Variants in PDZD8 observed in about 807,000 individuals in gnomAD.
PDZD8 encodes PDZ domain-containing protein 8.
PDZD8 carries 14 observed loss-of-function variants against 85.8 expected under a neutral mutation model. The observed-to-expected ratio is 0.16, with a 90% CI of 0.11 to 0.26. PDZD8 has a LOEUF of 0.26. Among genes scored for constraint, PDZD8 ranks in the 10% least tolerant of loss-of-function variants. The pLI is 1.00. For missense variants in PDZD8, 1,197 were observed against 1,424.3 expected (o/e 0.84, Z 2.57); for synonymous variants, 592 against 568.6 (o/e 1.04, Z -0.59).
chr10:117,292,266 C>T (rs1285142378), intron 3 of PDZD8, among the ~76,000 whole-genome samples: 7 of 152,106 alleles, frequency 4.6e-5, no homozygotes, highest in South Asian at 2.1e-4. Flanking sequence ...CACAAAGCCC[C>T]GCCAAAACAC....
intron 2 of PDZD8, among the ~76,000 whole-genome samples, chr10:117,334,871 A>C (rs1844490665): frequency 6.6e-6 from 1 of 152,134 alleles, no homozygotes; most frequent in South Asian, 2.1e-4. Context: ...CAAATAAACA[A>C]GCAAACAAAC....
In PDZD8 at chr10:117,285,157, G is replaced by C; in HGVS notation, c.1576C>G (p.Pro526Ala). Reference sequence around the variant, plus strand: ...AGGGGTTTAATAGAAAGTGTTGTTGGAACACGTTTGGGACTATGACTTAAT... The same window carrying C: ...AGGGGTTTAATAGAAAGTGTTGTTGCAACACGTTTGGGACTATGACTTAAT... ...QSLSHSPKRV[P>A]TTLSIKPLGA... is the part of the protein sequence containing the mutation. The change falls in exon 5 of 5, where the codon CCA (proline) becomes GCA (alanine). Residue 526 changes from proline (P) to alanine (A), a missense_variant. Pro to Ala is a conservative substitution (Grantham distance 27). Coordinates refer to ENST00000334464, the MANE Select transcript of PDZD8 (RefSeq NM_173791.5). 6.2e-7 allele frequency: 1 copy of C among 1,614,098 alleles called. No homozygotes were observed. The highest frequency in any genetic ancestry group is 1.7e-5 in the Admixed American group (1 of 60,020).
chr10:117,375,299 C>T lies in PDZD8; in HGVS notation c.-72G>A. 1 of 1,351,026 alleles carries T rather than the reference C, an allele frequency of 7.4e-7. No individual in the cohort carries two copies. The highest frequency in any genetic ancestry group is 9.7e-7 in the Non-Finnish European group (1 of 1,031,232). The allele number at this position is 1,351,026 out of a possible 1,614,324, so 83.7% of individuals were successfully genotyped here. A position where few individuals can be genotyped will look rare whatever the true frequency, so the allele number is the denominator to read the frequency against. Reference sequence around the variant, plus strand: ...CGCTTTCTTCACGCCGCCGCCCCCGCTGCCTCCATTTTGAGGACATCGGGC... The same window carrying T: ...CGCTTTCTTCACGCCGCCGCCCCCGTTGCCTCCATTTTGAGGACATCGGGC... On this transcript the variant is annotated 5_prime_UTR_variant, in exon 1 of 5. Transcript: ENST00000334464.
At chr10:117,362,786 A>G (rs1371844137) in intron 1 of PDZD8, among the ~76,000 whole-genome samples, 2 of 152,122 alleles carry the variant, frequency 1.3e-5, no homozygotes, top group Non-Finnish European at 2.9e-5. Context: ...CAGACTGTCA[A>G]GAATTTTCTC....
chr10:117,294,824 T>C (rs968562883), intron 3 of PDZD8, among the ~76,000 whole-genome samples: 1 of 151,948 alleles, frequency 6.6e-6, no homozygotes, highest in Non-Finnish European at 1.5e-5. Flanking sequence ...CTCATAGAAA[T>C]AGACGTAGAA....
chr10:117,300,048 A>T (rs1277033077), intron 3 of PDZD8, among the ~76,000 whole-genome samples: 3 of 125,546 alleles, frequency 2.4e-5, no homozygotes, highest in Admixed American at 1.7e-4. Flanking sequence ...ATGCTAGCAC[A>T]GGTTATATGA....
At chr10:117,293,070 A>G (rs1240470042) in intron 3 of PDZD8, among the ~76,000 whole-genome samples, 1 of 152,088 alleles carries the variant, frequency 6.6e-6, no homozygotes, top group African/African-American at 2.4e-5. Context: ...TCTTAATTAA[A>G]AGCCTGGTGA....
chr10:117,304,662 G>C (rs1374285917), intron 3 of PDZD8, among the ~76,000 whole-genome samples: 9 of 152,242 alleles, frequency 5.9e-5, no homozygotes, highest in African/African-American at 2.2e-4. Context: ...TTGAATCATG[G>C]GGGCCGGTCT....
At chr10:117,293,109 C>T (rs1003226272) in intron 3 of PDZD8, among the ~76,000 whole-genome samples, 6 of 151,910 alleles carry the variant, frequency 3.9e-5, no homozygotes, top group African/African-American at 1.4e-4. Flanking sequence ...GAGTATTTCA[C>T]AAAAACATTG....
intron 2 of PDZD8, among the ~76,000 whole-genome samples, chr10:117,330,251 T>G (rs576768765): frequency 2.0e-5 from 3 of 152,050 alleles, no homozygotes; most frequent in African/African-American, 7.2e-5. Flanking sequence ...TCCTCAATTT[T>G]CACGACTTCC....
chr10:117,302,730 T>G (rs933213849), intron 3 of PDZD8, among the ~76,000 whole-genome samples: 1 of 152,174 alleles, frequency 6.6e-6, no homozygotes, highest in Non-Finnish European at 1.5e-5. Flanking sequence ...GGGGGCGTAA[T>G]TGAATCAAGA....
intron 2 of PDZD8, among the ~76,000 whole-genome samples, chr10:117,339,280 A>G (rs1019786380): frequency 1.3e-5 from 2 of 152,238 alleles, no homozygotes; most frequent in Non-Finnish European, 2.9e-5. Flanking sequence ...AATAAAAGTC[A>G]TATGTACCAA....
intron 1 of PDZD8, among the ~76,000 whole-genome samples, chr10:117,343,806 C>T (rs545627176): frequency 2.5e-4 from 38 of 152,102 alleles, no homozygotes; most frequent in Non-Finnish European, 2.8e-4. Context: ...ATATACTAAA[C>T]GGTGGGATAA....
In PDZD8 at chr10:117,374,984, C is replaced by T. The variant is rs761544755; in HGVS notation, c.244G>A (p.Ala82Thr). Residue 82 changes from alanine to threonine, a missense_variant, in exon 1 of 5, where the codon GCG becomes ACG. Ala to Thr is a moderately conservative substitution (Grantham distance 58). Around this residue, in one of 4 missense-constraint regions of PDZD8, gnomAD observed 172 missense variants for 137.8 expected, o/e 1.25. Coordinates refer to ENST00000334464, the MANE Select transcript of PDZD8 (RefSeq NM_173791.5). The surrounding 1 kb of genome is among the most constrained non-coding windows in gnomAD (Gnocchi z 7.8). ...AAPEGGATPT[A>T]APETPAPPTR... ...GGCGGGGCGGGGGTCTCGGGGGCCGCGGTGGGGGTCGCGCCGCCCTCAGGG... is the reference window on the plus strand; with the variant it reads ...GGCGGGGCGGGGGTCTCGGGGGCCGTGGTGGGGGTCGCGCCGCCCTCAGGG... 1.2e-4 allele frequency: 187 copies of T among 1,594,742 alleles called. No homozygotes were observed. The highest frequency in any genetic ancestry group is 1.6e-4 in the Non-Finnish European group (186 of 1,171,216).
intron 2 of PDZD8, among the ~76,000 whole-genome samples, chr10:117,329,873 C>T (rs951488747): frequency 1.3e-5 from 2 of 149,262 alleles, no homozygotes; most frequent in Non-Finnish European, 3.0e-5. Flanking sequence ...TTGAGCCTGG[C>T]GGGTGGAGGT....
chr10:117,372,956 G>A (rs1256658303), intron 1 of PDZD8, among the ~76,000 whole-genome samples: 1 of 152,066 alleles, frequency 6.6e-6, no homozygotes, highest in Non-Finnish European at 1.5e-5. Flanking sequence ...CCAGAAATAG[G>A]CAACTTCCAC....
At position 117,278,369 on chromosome 10, in the gene PDZD8, T is replaced by C. The variant is rs913807786; in HGVS notation, c.*4899A>G. 3.3e-5 allele frequency: 5 copies of C among 152,202 alleles called. No homozygotes were observed. Among genetic ancestry groups the C allele is most frequent in the Non-Finnish European group, 7.3e-5 (5 of 68,030 alleles). The allele number at this position is 152,202 out of a possible 1,614,324, so 9.4% of individuals were successfully genotyped here. On this transcript the variant is annotated 3_prime_UTR_variant, in exon 5 of 5. Transcript: ENST00000334464. ...ATCATATATTAAGAAGTAAAAATAA[T>C]AGTGATCAGGCAGAAAAGAAAAATG...
intron 2 of PDZD8, among the ~76,000 whole-genome samples, chr10:117,320,734 G>T (rs1460721745): frequency 6.6e-6 from 1 of 152,096 alleles, no homozygotes; most frequent in Non-Finnish European, 1.5e-5. Context: ...ACAACCCAGA[G>T]AATGGGAGAA....
intron 3 of PDZD8, among the ~76,000 whole-genome samples, chr10:117,292,588 T>G (rs1409302225): frequency 1.3e-5 from 2 of 151,950 alleles, no homozygotes; most frequent in South Asian, 4.1e-4. Flanking sequence ...GTTTTTTTTT[T>G]TTGTTATTTA....
Sources: allele counts gnomAD v4.1 joint callset (sites outside exome capture counted in the v4.1 genomes callset), GRCh38; gene constraint gnomAD v4.1.1; regional missense constraint gnomAD v4.1.1; non-coding constraint Gnocchi (gnomAD v3.1); transcripts MANE v1.5; gene names NCBI Gene and HGNC (gene_info 2026-07-23, HGNC 2026-07-21).